CCDC150: variants seen among roughly 807,000 people sequenced by gnomAD.
CCDC150 encodes coiled-coil domain-containing protein 150.
Under a neutral mutation model 156.5 loss-of-function variants are expected in CCDC150, and 151 were observed. The observed-to-expected ratio is 0.97, with a 90% confidence interval of 0.85 to 1.10. CCDC150 has a LOEUF of 1.10. CCDC150 is among the 50% of genes least tolerant of loss of function. The pLI, the probability that CCDC150 is intolerant of heterozygous loss-of-function variation, is 0.00. For synonymous variants in CCDC150, 452 were observed against 429.4 expected, an observed-to-expected ratio of 1.05 and a Z score of -0.65; for missense variants, 1,312 against 1,268.1, an observed-to-expected ratio of 1.03 and a Z score of -0.53.
At chr2:196,713,489 A>T (rs767227654) in intron 17 of CCDC150, 2 of 1,550,742 alleles carry the variant, frequency 1.3e-6, no homozygotes, top group South Asian at 2.4e-5. Context: ...TCCAAACTCT[A>T]CACGCCGTGT....
intron 15 of CCDC150, among the ~76,000 whole-genome samples, chr2:196,704,431 T>C (rs1696452514): frequency 6.6e-6 from 1 of 152,198 alleles, no homozygotes; most frequent in African/African-American, 2.4e-5. Flanking sequence ...GAAGATTCTC[T>C]CAGCTAAATA....
rs115692144 is a variant in CCDC150, at chr2:196,686,675, T to C, written c.1510-8371T>C. Among the ~76,000 whole-genome samples the C allele has an allele frequency of 7.3e-3, 1,118 of 152,220 alleles. 11 individuals carry two copies. The highest frequency in any genetic ancestry group is 0.026 in the African/African-American group (1,063 of 41,532). ...GTTCAGTGTACATGTGCAGGTTTGTTACATAGGTAAATGTGTGTTACGGGG... is the reference window on the plus strand; with the variant it reads ...GTTCAGTGTACATGTGCAGGTTTGTCACATAGGTAAATGTGTGTTACGGGG... On this transcript the variant is annotated intron_variant, in intron 13 of 27. Transcript: ENST00000389175.
rs568373217 is a variant in CCDC150 at position 196,706,194 on chromosome 2, G to T, written c.1695+5014G>T. ...ATTTGTTTGTGTCCTCTTTTATTTT[G>T]TTGAGCAGTGGTTTGTAGTTCTCCT... On this transcript the variant is annotated intron_variant, in intron 15 of 27. Coordinates refer to ENST00000389175, the MANE Select transcript of CCDC150 (RefSeq NM_001080539.2). 3.9e-5 allele frequency among the ~76,000 whole-genome samples: 6 copies of T among 152,224 alleles called. No homozygotes were observed. In the East Asian group the frequency reaches 7.7e-4, roughly 20 times the overall value.
At chr2:196,731,976 CAAAA>C in intron 26 of CCDC150, 53 bp from the exon 27 acceptor site, 2 of 1,560,930 alleles carry the variant, frequency 1.3e-6, no homozygotes, top group Non-Finnish European at 1.7e-6. Context: ...AACTAATACA[CAAAA>C]AAACTTGTAA....
chr2:196,683,891 G>A (rs1001738155), intron 13 of CCDC150, among the ~76,000 whole-genome samples: 10 of 151,858 alleles, frequency 6.6e-5, no homozygotes, highest in Non-Finnish European at 1.3e-4. Context: ...TGTGTCTCCT[G>A]TATTTTGTTC....
chr2:196,711,558 T>C (rs1403308250), intron 15 of CCDC150, among the ~76,000 whole-genome samples: 1 of 152,204 alleles, frequency 6.6e-6, no homozygotes, highest in African/African-American at 2.4e-5. Flanking sequence ...TATTAAATGA[T>C]TTTGTCCTCC....
rs1305575850 is a variant in CCDC150, at chr2:196,654,436, A to AT, written c.177-2187dup. ...CCATAAGCTATCTTCACTCCTTTTC[A>AT]TTTTTTTTTTCTTTCTGCTCCTCAC... is the stretch of plus-strand genomic sequence containing the variant. On this transcript the variant is annotated intron_variant, in intron 2 of 27. Transcript: ENST00000389175. 6.4e-4 allele frequency among the ~76,000 whole-genome samples: 90 copies of AT among 139,610 alleles called. 1 individual carries two copies. Among genetic ancestry groups the AT allele is most frequent in the Middle Eastern group, 7.6e-3 (2 of 264 alleles). 91.6% of individuals were successfully genotyped at this position (139,610 alleles called of 152,430 possible).
At chr2:196,723,733 A>G (rs1350115619) in intron 21 of CCDC150, among the ~76,000 whole-genome samples, 1 of 152,148 alleles carries the variant, frequency 6.6e-6, no homozygotes, top group East Asian at 1.9e-4. Flanking sequence ...TGCAGAGTCA[A>G]AGAGACCAGA....
intron 27 of CCDC150, 103 bp downstream of exon 27, chr2:196,732,255 C>T (rs1214705729): frequency 7.5e-7 from 1 of 1,336,266 alleles, no homozygotes; most frequent in East Asian, 2.4e-5. Flanking sequence ...CTCTTTTAAT[C>T]TTTAGTTTCT....
chr2:196,653,694 C>G (rs1431583473), intron 2 of CCDC150, among the ~76,000 whole-genome samples: 1 of 152,182 alleles, frequency 6.6e-6, no homozygotes, highest in African/African-American at 2.4e-5. Context: ...TCTGAGCCCT[C>G]CAAACTCTTC....
chr2:196,676,566 C>A lies in CCDC150; in HGVS notation c.1275C>A (p.Ile425=). 6.2e-7 allele frequency: 1 copy of A among 1,612,376 alleles called. No homozygotes were observed. The highest frequency in any genetic ancestry group is 8.5e-7 in the Non-Finnish European group (1 of 1,179,198). ...TCTCTTCCTGCAGGGATCATTTAATCCTTGAGCATAACCAGTGTATCCAGA... is the reference window on the plus strand; with the variant it reads ...TCTCTTCCTGCAGGGATCATTTAATACTTGAGCATAACCAGTGTATCCAGA... The part of the protein sequence containing the change: ...TQLQAHLDHL[I]LEHNQCIQKA... The change falls in exon 12 of 28, where the codon ATC becomes ATA. Residue 425 remains isoleucine, a synonymous_variant. Coordinates refer to ENST00000389175, the MANE Select transcript of CCDC150 (RefSeq NM_001080539.2).
At position 196,656,940 on chromosome 2, in the gene CCDC150, T is replaced by A. The variant is rs2125584579; in HGVS notation, c.398-18T>A. On this transcript the variant is annotated intron_variant, in intron 3 of 27. Coordinates refer to ENST00000389175, the MANE Select transcript of CCDC150 (RefSeq NM_001080539.2). The stretch of plus-strand genomic sequence containing the variant: ...CCTTCTTTCTGCTGCTTGATGCCCC[T>A]CCTGTGCGGTCTGGTAGCTTTTCTG... 6.2e-7 allele frequency: 1 copy of A among 1,612,806 alleles called. No individual in the cohort carries two copies. Among genetic ancestry groups the A allele is most frequent in the Middle Eastern group, 1.7e-4 (1 of 6,060 alleles).
intron 15 of CCDC150, among the ~76,000 whole-genome samples, chr2:196,702,203 C>T (rs1696257776): frequency 1.3e-5 from 2 of 152,092 alleles, no homozygotes; most frequent in South Asian, 4.2e-4. Flanking sequence ...GAGTTATGAT[C>T]ATGCCATTGC....
chr2:196,663,094 C>T (rs1469359104), intron 5 of CCDC150, among the ~76,000 whole-genome samples: 1 of 151,998 alleles, frequency 6.6e-6, no homozygotes, highest in African/African-American at 2.4e-5. Context: ...TTTAAATTAG[C>T]TGGGCATGGT....
At chr2:196,717,877 C>T (rs529877199) in intron 17 of CCDC150, among the ~76,000 whole-genome samples, 2 of 106,018 alleles carry the variant, frequency 1.9e-5, no homozygotes, top group East Asian at 4.4e-4. Context: ...GATGACAGAG[C>T]GAAATTCAGT....
chr2:196,665,513 T>G (rs752136982), intron 5 of CCDC150, 54 bp from the exon 6 acceptor site: 1 of 1,052,372 alleles, frequency 9.5e-7, no homozygotes, highest in Non-Finnish European at 1.4e-6. Context: ...ACTTTGATCT[T>G]TGTTAAACTA....
In CCDC150 at chr2:196,718,602, G is replaced by A. The variant is rs907987145; in HGVS notation, c.1966G>A (p.Glu656Lys). ...KESQKLKEDL[E>K]AVEDRENKKV... The stretch of plus-strand genomic sequence containing the variant: ...GAGTCAGAAGTTGAAAGAAGACCTC[G>A]AGGCTGTGGAGGACAGGGAAAACAA... The change falls in exon 18 of 28, where the codon GAG becomes AAG. Residue 656 changes from glutamate to lysine, a missense_variant. Coordinates refer to ENST00000389175, the MANE Select transcript of CCDC150 (RefSeq NM_001080539.2). The A allele has an allele frequency of 4.3e-6, 7 of 1,613,510 alleles. No homozygotes were observed. Among genetic ancestry groups the A allele is most frequent in the African/African-American group, 2.7e-5 (2 of 74,880 alleles).
At chr2:196,647,841 G>T (rs988593035) in intron 2 of CCDC150, among the ~76,000 whole-genome samples, 2 of 152,004 alleles carry the variant, frequency 1.3e-5, no homozygotes, top group Non-Finnish European at 2.9e-5. Context: ...GCAGTGGATG[G>T]CTAGAACTTA....
chr2:196,676,231 C>T lies in CCDC150; in HGVS notation c.1226C>T (p.Thr409Ile). ...AHASITNELQ[T>I]VQNEKTQLQA... ...GCCAGTATCACAAATGAACTACAGA[C>T]TGTTCAGAATGAGAAAACCCAACTC... The change falls in exon 11 of 28, where the codon ACT becomes ATT. Residue 409 changes from threonine to isoleucine, a missense_variant. Coordinates refer to ENST00000389175, the MANE Select transcript of CCDC150 (RefSeq NM_001080539.2). 1 of 1,613,568 alleles carries T rather than the reference C, an allele frequency of 6.2e-7. No homozygotes were observed. Among genetic ancestry groups the T allele is most frequent in the African/African-American group, 1.3e-5 (1 of 75,028 alleles).
Sources: gnomAD v4.1 joint callset for allele counts (sites outside exome capture counted in the v4.1 genomes callset) on GRCh38, gnomAD v4.1.1 for gene constraint, MANE v1.5 for transcripts, NCBI Gene and HGNC (gene_info 2026-07-23, HGNC 2026-07-21) for gene names.